The following XRCC4 variants were observed in gnomAD, a reference collection of about 807,000 sequenced individuals.
The protein encoded by XRCC4 is DNA repair protein XRCC4.
A neutral mutation model predicts 39.1 loss-of-function variants in XRCC4; 28 were observed. That is an observed-to-expected ratio of 0.72 (90% CI 0.53 to 0.98). The LOEUF (loss-of-function observed/expected upper bound fraction) is 0.98. Among genes scored for constraint, XRCC4 ranks in the 50% least tolerant of loss-of-function variants. The pLI, the probability that XRCC4 is intolerant of heterozygous loss-of-function variation, is 0.00. For synonymous variants in XRCC4, 123 were observed against 126.4 expected, an observed-to-expected ratio of 0.97 and a Z score of 0.18; for missense variants, 350 against 376.4, an observed-to-expected ratio of 0.93 and a Z score of 0.58.
chr5:83,146,202 G>C lies in XRCC4; in HGVS notation c.315+34999G>C, dbSNP rs1055961364. On this transcript the variant is annotated intron_variant, in intron 3 of 7. Transcript: ENST00000396027. ...GCAGCTGGTATTGACACTCAAAAGA[G>C]TTTTATGAAATGAAAGTAAGCAAAG... Among the ~76,000 whole-genome samples, 7 of 152,276 alleles carry C rather than the reference G, an allele frequency of 4.6e-5. No homozygotes were observed. The South Asian group carries it at 1.4e-3, about 32-fold the overall frequency.
At chr5:83,215,229 G>T (rs910213289) in intron 6 of XRCC4, among the ~76,000 whole-genome samples, 2 of 151,974 alleles carry the variant, frequency 1.3e-5, no homozygotes, top group African/African-American at 4.8e-5. Flanking sequence ...GTCCCAGCTA[G>T]TTGGGAGGCT....
intron 6 of XRCC4, among the ~76,000 whole-genome samples, chr5:83,208,951 G>A (rs1345910028): frequency 6.6e-6 from 1 of 151,960 alleles, no homozygotes; most frequent in Non-Finnish European, 1.5e-5. Context: ...AATAGTTGCT[G>A]TAGTCTCTAT....
chr5:83,101,992 G>A (rs1186501951), intron 1 of XRCC4, among the ~76,000 whole-genome samples: 2 of 148,478 alleles, frequency 1.3e-5, no homozygotes, highest in Admixed American at 6.7e-5. Flanking sequence ...AACTCAAATA[G>A]GAATTTTTAG....
At chr5:83,097,790 C>T (rs906860456) in intron 1 of XRCC4, among the ~76,000 whole-genome samples, 1 of 152,118 alleles carries the variant, frequency 6.6e-6, no homozygotes, top group Non-Finnish European at 1.5e-5. Flanking sequence ...GCAATTAGAA[C>T]TAAAGTGTTC....
At chr5:83,303,794 C>T (rs1389439732) in intron 7 of XRCC4, among the ~76,000 whole-genome samples, 1 of 152,014 alleles carries the variant, frequency 6.6e-6, no homozygotes, top group East Asian at 1.9e-4. Flanking sequence ...AGATAATGAT[C>T]CAAATGAGTG....
the XRCC4 span, among the ~76,000 whole-genome samples, chr5:83,362,316 A>AAAAAAAAAAAAAAAAAAAAAAAAAAC: frequency 2.1e-5 from 3 of 145,946 alleles, no homozygotes; most frequent in Admixed American, 6.7e-5. Flanking sequence ...AAAAAAAAAA[A>AAAAAAAAAAAAAAAAAAAAAAAAAAC]AACTATCTCA....
intron 6 of XRCC4, among the ~76,000 whole-genome samples, chr5:83,258,230 A>G (rs902439942): frequency 1.3e-5 from 2 of 152,130 alleles, no homozygotes; most frequent in African/African-American, 4.8e-5. Context: ...TATGATTTCT[A>G]GTTACAATCC....
intron 7 of XRCC4, among the ~76,000 whole-genome samples, chr5:83,325,485 T>TTG (rs1756226764): frequency 6.6e-6 from 1 of 151,898 alleles, no homozygotes; most frequent in Non-Finnish European, 1.5e-5. Flanking sequence ...ACAGGCCCCA[T>TTG]TGTGTGTGTT....
chr5:83,119,087 G>A (rs1746875078), intron 3 of XRCC4, among the ~76,000 whole-genome samples: 1 of 152,098 alleles, frequency 6.6e-6, no homozygotes, highest in Non-Finnish European at 1.5e-5. Flanking sequence ...GGTAAAACCA[G>A]TTTGCCAAAA....
intron 3 of XRCC4, among the ~76,000 whole-genome samples, chr5:83,134,940 C>G (rs1747814720): frequency 6.6e-6 from 1 of 152,038 alleles, no homozygotes; most frequent in Non-Finnish European, 1.5e-5. Context: ...CAGCATTGAC[C>G]ACGAACCCAC....
intron 1 of XRCC4, among the ~76,000 whole-genome samples, chr5:83,088,146 G>A (rs1172915686): frequency 1.3e-5 from 2 of 151,936 alleles, no homozygotes; most frequent in Admixed American, 1.3e-4. Context: ...AGAAAATGCA[G>A]CATCTTTTTA....
chr5:83,273,359 C>A (rs1754208434), intron 7 of XRCC4, among the ~76,000 whole-genome samples: 1 of 152,130 alleles, frequency 6.6e-6, no homozygotes, highest in South Asian at 2.1e-4. Flanking sequence ...AATTTTCTCC[C>A]ATTCTGTAGG....
At chr5:83,344,977 T>A (rs1267610732) in intron 7 of XRCC4, among the ~76,000 whole-genome samples, 1 of 152,196 alleles carries the variant, frequency 6.6e-6, no homozygotes, top group Non-Finnish European at 1.5e-5. Flanking sequence ...GGCTTTAATT[T>A]GCATTTCCTT....
At chr5:83,225,979 T>C (rs1752274350) in intron 6 of XRCC4, among the ~76,000 whole-genome samples, 1 of 151,984 alleles carries the variant, frequency 6.6e-6, no homozygotes, top group Non-Finnish European at 1.5e-5. Flanking sequence ...TGCAGATAGC[T>C]CTAAAAACTG....
intron 6 of XRCC4, among the ~76,000 whole-genome samples, chr5:83,234,125 A>C (rs6891117): frequency 6.6e-6 from 1 of 152,040 alleles, no homozygotes; most frequent in East Asian, 1.9e-4. Flanking sequence ...TATCAGCTCT[A>C]CATTTACAGT....
chr5:83,213,385 T>G (rs1580378480), intron 6 of XRCC4, among the ~76,000 whole-genome samples: 1 of 152,016 alleles, frequency 6.6e-6, no homozygotes, highest in East Asian at 1.9e-4. Context: ...TTATGCCAGA[T>G]TGAACAAAGG....
rs1748632149 is a variant in XRCC4 at position 83,150,023 on chromosome 5, A to C, written c.315+38820A>C. ...GATTCTGTATTTAAAAAATAATAGAATAATAAAAGCAGGAAGAACATCCTT... is the reference window on the plus strand; with the variant it reads ...GATTCTGTATTTAAAAAATAATAGACTAATAAAAGCAGGAAGAACATCCTT... On this transcript the variant is annotated intron_variant, in intron 3 of 7. Coordinates refer to ENST00000396027, the MANE Select transcript of XRCC4 (RefSeq NM_003401.5). Among the ~76,000 whole-genome samples, 2 of 152,182 alleles carry C rather than the reference A, an allele frequency of 1.3e-5. 1 individual carries two copies. Among genetic ancestry groups the C allele is most frequent in the South Asian group, 4.1e-4 (2 of 4,834 alleles).
At chr5:83,359,115 T>C in the XRCC4 span, among the ~76,000 whole-genome samples, 4 of 152,224 alleles carry the variant, frequency 2.6e-5, no homozygotes, top group South Asian at 8.3e-4. Flanking sequence ...CATGTGTGAA[T>C]ACACACCAGG....
At chr5:83,121,313 G>T (rs1379229463) in intron 3 of XRCC4, among the ~76,000 whole-genome samples, 1 of 152,108 alleles carries the variant, frequency 6.6e-6, no homozygotes, top group Non-Finnish European at 1.5e-5. Context: ...GAATAGTTGG[G>T]TTATATGGTA....
Sources: allele counts gnomAD v4.1 joint callset (sites outside exome capture counted in the v4.1 genomes callset), GRCh38; gene constraint gnomAD v4.1.1; transcripts MANE v1.5; gene names NCBI Gene and HGNC (gene_info 2026-07-23, HGNC 2026-07-21).